MNAT1: variants seen among roughly 807,000 people sequenced by gnomAD.
MNAT1 encodes the protein CDK-activating kinase assembly factor MAT1.
MNAT1 carries 43 observed loss-of-function variants against 42.0 expected under a neutral mutation model. The observed-to-expected ratio is 1.02, with a 90% CI of 0.80 to 1.32. MNAT1 has a LOEUF of 1.32. MNAT1 is among the 40% of genes most tolerant of loss of function. The pLI, the probability that MNAT1 is intolerant of heterozygous loss-of-function variation, is 0.00. For synonymous variants in MNAT1, 118 were observed against 120.0 expected (o/e 0.98, Z 0.11); for missense variants, 306 against 350.4 (o/e 0.87, Z 1.01).
At chr14:60,774,132 A>G (rs1320863466) in intron 1 of MNAT1, among the ~76,000 whole-genome samples, 2 of 152,228 alleles carry the variant, frequency 1.3e-5, no homozygotes, top group East Asian at 1.9e-4. Context: ...AGACAGATCA[A>G]TTTCTAACAA....
chr14:60,904,256 T>C (rs1196654407), intron 7 of MNAT1, among the ~76,000 whole-genome samples: 1 of 152,218 alleles, frequency 6.6e-6, no homozygotes, highest in Non-Finnish European at 1.5e-5. Flanking sequence ...ACAAAAAAAC[T>C]GCAATATGCA....
chr14:60,873,345 A>T (rs938657632), intron 6 of MNAT1, among the ~76,000 whole-genome samples: 1 of 152,166 alleles, frequency 6.6e-6, no homozygotes, highest in African/African-American at 2.4e-5. Flanking sequence ...AGCCATAAAT[A>T]TAAAACATAC....
intron 6 of MNAT1, among the ~76,000 whole-genome samples, chr14:60,848,284 G>T (rs962915625): frequency 6.6e-6 from 1 of 152,144 alleles, no homozygotes; most frequent in Admixed American, 6.5e-5. Context: ...GTCTCATTGA[G>T]GGTCCATTGT....
At chr14:60,853,987 T>C (rs2033894288) in intron 6 of MNAT1, among the ~76,000 whole-genome samples, 2 of 152,202 alleles carry the variant, frequency 1.3e-5, no homozygotes, top group South Asian at 4.1e-4. Flanking sequence ...TCTTTGAGGC[T>C]TTGTTTGTTT....
chr14:60,942,770 A>G (rs938408856), intron 7 of MNAT1, among the ~76,000 whole-genome samples: 1 of 152,178 alleles, frequency 6.6e-6, no homozygotes, highest in African/African-American at 2.4e-5. Flanking sequence ...AGCTTCTTTA[A>G]CATATGTTAA....
chr14:60,758,998 C>A (rs956103923), intron 1 of MNAT1, among the ~76,000 whole-genome samples: 1 of 152,126 alleles, frequency 6.6e-6, no homozygotes, highest in African/African-American at 2.4e-5. Context: ...GACACACAGA[C>A]CCCACATCAT....
chr14:60,882,418 C>CT (rs1205035890), intron 7 of MNAT1, among the ~76,000 whole-genome samples: 2 of 152,170 alleles, frequency 1.3e-5, no homozygotes, highest in East Asian at 1.9e-4. Flanking sequence ...GATCGCATAC[C>CT]TTTTTTATGG....
In MNAT1 at chr14:60,969,351, C is replaced by T. The variant is rs757681240; in HGVS notation, c.*1002C>T. ...ATTTCCTATCAAATCTCTATTACAACAGATGTTAGTTTTATGGGTAGAAAC... is the reference window on the plus strand; with the variant it reads ...ATTTCCTATCAAATCTCTATTACAATAGATGTTAGTTTTATGGGTAGAAAC... On this transcript the variant is annotated 3_prime_UTR_variant, in exon 8 of 8. Coordinates refer to ENST00000261245, the MANE Select transcript of MNAT1 (RefSeq NM_002431.4). 2 of 152,156 alleles carry T rather than the reference C, an allele frequency of 1.3e-5. No homozygotes were observed. The highest frequency in any genetic ancestry group is 2.9e-5 in the Non-Finnish European group (2 of 68,010). 9.4% of individuals were successfully genotyped at this position (152,156 alleles called of 1,614,324 possible). A position where few individuals can be genotyped will look rare whatever the true frequency, so the allele number is the denominator to read the frequency against.
At position 60,797,997 on chromosome 14, in the gene MNAT1, A is replaced by T. The variant is rs184148419; in HGVS notation, c.243-90A>T. ...TAAGCAATTCTTTTCCATGTATCATATATGAATTAGGTCAGAACAAGCAAA... is the reference window on the plus strand; with the variant it reads ...TAAGCAATTCTTTTCCATGTATCATTTATGAATTAGGTCAGAACAAGCAAA... On this transcript the variant is annotated intron_variant, in intron 2 of 7. Transcript: ENST00000261245. 8.1e-5 allele frequency: 51 copies of T among 632,250 alleles called. No individual in the cohort carries two copies. In the African/African-American group the frequency reaches 8.2e-4, roughly 10 times the overall value. The allele number at this position is 632,250 out of a possible 1,614,324, so 39.2% of individuals were successfully genotyped here.
intron 5 of MNAT1, among the ~76,000 whole-genome samples, chr14:60,812,354 G>A (rs1183462111): frequency 6.6e-6 from 1 of 152,210 alleles, no homozygotes; most frequent in African/African-American, 2.4e-5. Context: ...TGTGGGTTAG[G>A]AATTTAAGTG....
intron 6 of MNAT1, among the ~76,000 whole-genome samples, chr14:60,856,582 A>C (rs538374656): frequency 2.0e-5 from 3 of 152,294 alleles, no homozygotes; most frequent in African/African-American, 7.2e-5. Context: ...AAAGAGAAGA[A>C]GTCAATGCCC....
intron 7 of MNAT1, among the ~76,000 whole-genome samples, chr14:60,920,560 C>T (rs2035635989): frequency 6.6e-6 from 1 of 152,076 alleles, no homozygotes; most frequent in Admixed American, 6.6e-5. Context: ...GCTGGGATTA[C>T]AGGTGCCCAC....
At chr14:60,927,877 G>T (rs1485537707) in intron 7 of MNAT1, among the ~76,000 whole-genome samples, 1 of 152,090 alleles carries the variant, frequency 6.6e-6, no homozygotes, top group Non-Finnish European at 1.5e-5. Context: ...TACCATAACA[G>T]GTCAAGAGAG....
intron 7 of MNAT1, among the ~76,000 whole-genome samples, chr14:60,928,090 C>T (rs1016886816): frequency 1.3e-5 from 2 of 152,096 alleles, no homozygotes; most frequent in Non-Finnish European, 2.9e-5. Flanking sequence ...CACAGACTTG[C>T]CTATTCTAGA....
intron 5 of MNAT1, among the ~76,000 whole-genome samples, chr14:60,818,156 A>G (rs2139363175): frequency 6.6e-6 from 1 of 152,164 alleles, no homozygotes; most frequent in Admixed American, 6.5e-5. Context: ...GCTTATAATT[A>G]ATATATTAAA....
At chr14:60,903,490 T>G (rs2035115672) in intron 7 of MNAT1, among the ~76,000 whole-genome samples, 1 of 152,166 alleles carries the variant, frequency 6.6e-6, no homozygotes, top group Non-Finnish European at 1.5e-5. Context: ...GAAATTTAAA[T>G]TTAATCAGCT....
chr14:60,926,446 A>C (rs2035766379), intron 7 of MNAT1, among the ~76,000 whole-genome samples: 3 of 152,192 alleles, frequency 2.0e-5, no homozygotes, highest in African/African-American at 7.2e-5. Flanking sequence ...TATACTTCCG[A>C]CCAAACCAGA....
At chr14:60,809,386 T>C (rs530150580) in intron 4 of MNAT1, among the ~76,000 whole-genome samples, 2 of 152,270 alleles carry the variant, frequency 1.3e-5, no homozygotes, top group East Asian at 3.9e-4. Context: ...CATTCATAGC[T>C]AGCCTAGCTT....
intron 7 of MNAT1, among the ~76,000 whole-genome samples, chr14:60,886,292 G>A (rs2034669147): frequency 6.6e-6 from 1 of 151,972 alleles, no homozygotes; most frequent in Non-Finnish European, 1.5e-5. Context: ...AATGCCATGA[G>A]AATGTTGATA....
Sources: allele counts gnomAD v4.1 joint callset (sites outside exome capture counted in the v4.1 genomes callset), GRCh38; gene constraint gnomAD v4.1.1; transcripts MANE v1.5; gene names NCBI Gene and HGNC (gene_info 2026-07-23, HGNC 2026-07-21).